RALGAPA2: variants seen among roughly 807,000 people sequenced by gnomAD.
RALGAPA2 encodes ral GTPase-activating protein subunit alpha-2.
A neutral mutation model predicts 230.4 loss-of-function variants in RALGAPA2; 139 were observed. That is an observed-to-expected ratio of 0.60 (90% confidence interval 0.53 to 0.69). RALGAPA2 has a LOEUF of 0.69. RALGAPA2 is among the 30% of genes least tolerant of loss of function. The probability of loss-of-function intolerance (pLI) is 0.00; values close to 1 mark genes in which losing one functional copy is unlikely to be tolerated. For synonymous variants in RALGAPA2, 847 were observed against 837.8 expected (o/e 1.01, Z -0.19); for missense variants, 2,163 against 2,276.0 (o/e 0.95, Z 1.01).
chr20:20,673,450 G>A (rs2068209821), intron 3 of RALGAPA2, among the ~76,000 whole-genome samples: 1 of 151,886 alleles, frequency 6.6e-6, no homozygotes, highest in Non-Finnish European at 1.5e-5. Context: ...AGATAAAACT[G>A]AAGGGATTAT....
intron 31 of RALGAPA2, among the ~76,000 whole-genome samples, chr20:20,519,578 A>T (rs898329107): frequency 3.3e-5 from 5 of 152,206 alleles, no homozygotes; most frequent in African/African-American, 1.2e-4. Context: ...CCAAACACCT[A>T]GTTGGGAAAT....
intron 23 of RALGAPA2, among the ~76,000 whole-genome samples, chr20:20,568,884 A>C (rs1215344565): frequency 1.3e-5 from 2 of 152,242 alleles, no homozygotes; most frequent in African/African-American, 4.8e-5. Context: ...ATGATTATTT[A>C]TTTAAAAACA....
chr20:20,710,105 G>A (rs2069789871), intron 1 of RALGAPA2, among the ~76,000 whole-genome samples: 1 of 152,188 alleles, frequency 6.6e-6, no homozygotes, highest in African/African-American at 2.4e-5. Context: ...TGAAGCTGCA[G>A]GCGGCAGGGA....
chr20:20,474,599 T>C (rs544410681), intron 36 of RALGAPA2, among the ~76,000 whole-genome samples: 3 of 152,178 alleles, frequency 2.0e-5, no homozygotes, highest in Admixed American at 1.3e-4. Context: ...ATTTTGAAGG[T>C]AGAGTTGTCA....
chr20:20,444,434 CT>C (rs1323138381), intron 37 of RALGAPA2, among the ~76,000 whole-genome samples: 1 of 151,916 alleles, frequency 6.6e-6, no homozygotes, highest in African/African-American at 2.4e-5. Flanking sequence ...AATTTTAAAA[CT>C]TTTTATTGAC....
intron 1 of RALGAPA2, among the ~76,000 whole-genome samples, chr20:20,691,853 C>T (rs2068924459): frequency 6.6e-6 from 1 of 152,136 alleles, no homozygotes; most frequent in African/African-American, 2.4e-5. Context: ...ATCTGATCCC[C>T]AGTATTGGAG....
Position 20,393,026 on chromosome 20 carries a change from C to A in RALGAPA2, c.*263G>T. 1 of 1,225,902 alleles carries A rather than the reference C, an allele frequency of 8.2e-7. No homozygotes were observed. Among genetic ancestry groups the A allele is most frequent in the Non-Finnish European group, 1.1e-6 (1 of 921,784 alleles). The allele number at this position is 1,225,902 out of a possible 1,614,324, so 75.9% of individuals were successfully genotyped here. On this transcript the variant is annotated 3_prime_UTR_variant, in exon 40 of 40. Coordinates refer to ENST00000202677, the MANE Select transcript of RALGAPA2 (RefSeq NM_020343.4). ...GTCCAAGGTTTGTGAGGTTTCAGGA[C>A]AAGATGATACAGCCTAGTTTGAGTC...
Position 20,513,289 on chromosome 20 carries a change from A to C in RALGAPA2, c.4085-5T>G. On this transcript the variant is annotated splice_region_variant and splice_polypyrimidine_tract_variant and intron_variant, in intron 31 of 39. Transcript: ENST00000202677. The stretch of plus-strand genomic sequence containing the variant: ...CCAAACTTCTTCTCTTCTTCTCTGT[A>C]AACAGCGGTAAAGAAACATAAAGAG... 2 of 1,448,880 alleles carry C rather than the reference A, an allele frequency of 1.4e-6. No individual in the cohort carries two copies. Among genetic ancestry groups the C allele is most frequent in the Non-Finnish European group, 1.8e-6 (2 of 1,101,142 alleles). The allele number at this position is 1,448,880 out of a possible 1,614,324, so 89.8% of individuals were successfully genotyped here.
At chr20:20,711,401 C>T (rs939799445) in intron 1 of RALGAPA2, among the ~76,000 whole-genome samples, 1 of 152,276 alleles carries the variant, frequency 6.6e-6, no homozygotes, top group South Asian at 2.1e-4. Context: ...TCCTTCGCCA[C>T]CAAATACACA....
intron 37 of RALGAPA2, among the ~76,000 whole-genome samples, chr20:20,422,149 C>T (rs1406433203): frequency 1.3e-5 from 2 of 152,054 alleles, no homozygotes; most frequent in Non-Finnish European, 2.9e-5. Flanking sequence ...TGTGGCATGA[C>T]AGTTAATGGG....
At chr20:20,499,542 G>A (rs767834234) in intron 35 of RALGAPA2, among the ~76,000 whole-genome samples, 7 of 152,182 alleles carry the variant, frequency 4.6e-5, no homozygotes, top group Non-Finnish European at 7.4e-5. Flanking sequence ...CTGAGATCCT[G>A]GTGAATTCTT....
intron 37 of RALGAPA2, among the ~76,000 whole-genome samples, chr20:20,440,780 C>T (rs774616662): frequency 2.0e-5 from 3 of 152,346 alleles, no homozygotes; most frequent in African/African-American, 4.8e-5. Flanking sequence ...CAGGTGGTCG[C>T]GCTTCAATTA....
At chr20:20,613,180 AC>A (rs1276617981) in intron 13 of RALGAPA2, among the ~76,000 whole-genome samples, 1 of 152,208 alleles carries the variant, frequency 6.6e-6, no homozygotes, top group Non-Finnish European at 1.5e-5. Flanking sequence ...AGTTTTGACA[AC>A]TGCTTGTTCC....
chr20:20,473,610 T>G (rs1274403175), intron 36 of RALGAPA2, among the ~76,000 whole-genome samples: 2 of 152,106 alleles, frequency 1.3e-5, no homozygotes, highest in Non-Finnish European at 2.9e-5. Flanking sequence ...GTCTCCTGAG[T>G]AGCTGGGATT....
At chr20:20,598,973 T>C (rs1042292791) in intron 16 of RALGAPA2, among the ~76,000 whole-genome samples, 4 of 152,210 alleles carry the variant, frequency 2.6e-5, no homozygotes, top group African/African-American at 9.6e-5. Context: ...TAGTATTTAA[T>C]TGTAGTCTCT....
rs541215001 is a variant in RALGAPA2 at position 20,664,824 on chromosome 20, G to T, written c.271-11237C>A. ...TCAGAGGATTTAAACTCCTGCCTCAGCACAATTAGAAAGCATTGTACACCT... is the reference window on the plus strand; with the variant it reads ...TCAGAGGATTTAAACTCCTGCCTCATCACAATTAGAAAGCATTGTACACCT... On this transcript the variant is annotated intron_variant, in intron 3 of 39. Transcript: ENST00000202677. 3.9e-5 allele frequency among the ~76,000 whole-genome samples: 6 copies of T among 152,250 alleles called. No individual in the cohort carries two copies. In the South Asian group the frequency reaches 1.2e-3, roughly 32 times the overall value.
chr20:20,586,742 TAA>T (rs2065145109), intron 18 of RALGAPA2, among the ~76,000 whole-genome samples: 1 of 152,104 alleles, frequency 6.6e-6, no homozygotes, highest in East Asian at 1.9e-4. Flanking sequence ...ACAGTAAAGA[TAA>T]AGTTACTGAA....
At position 20,573,021 on chromosome 20, in the gene RALGAPA2, T is replaced by TC. The variant is rs779564987; in HGVS notation, c.2754dup (p.Ser919GlufsTer26). On this transcript the variant is annotated frameshift_variant, in exon 21 of 40. Transcript: ENST00000202677. LOFTEE classifies it high-confidence loss of function. ...GAGTCTGGGTGCCAACCAGTGAGGC[T>TC]CCCCCCGGCGATTATACTACAGTCA... is the stretch of plus-strand genomic sequence containing the variant. 1.9e-6 allele frequency: 3 copies of TC among 1,608,590 alleles called. No individual in the cohort carries two copies. The highest frequency in any genetic ancestry group is 4.5e-5 in the East Asian group (2 of 44,678).
At chr20:20,604,914 G>A (rs1404290556) in intron 15 of RALGAPA2, among the ~76,000 whole-genome samples, 4 of 152,118 alleles carry the variant, frequency 2.6e-5, no homozygotes, top group Non-Finnish European at 5.9e-5. Context: ...CAATGTAATA[G>A]CCATTATTAT....
Sources: gnomAD v4.1 joint callset for allele counts (sites outside exome capture counted in the v4.1 genomes callset) on GRCh38, gnomAD v4.1.1 for gene constraint, MANE v1.5 for transcripts, NCBI Gene and HGNC (gene_info 2026-07-23, HGNC 2026-07-21) for gene names.